RGS6: variants seen among roughly 807,000 people sequenced by gnomAD.
The protein encoded by RGS6 is regulator of G protein signaling 6.
In RGS6, 30 loss-of-function variants were observed where a neutral mutation model predicts 78.5. The observed-to-expected ratio is 0.38, with a 90% CI of 0.29 to 0.52. RGS6 has a LOEUF of 0.52. Ranked by LOEUF, RGS6 falls within the 20% of genes least tolerant of loss-of-function variation. The pLI is 0.85. For missense variants in RGS6, 495 were observed against 609.7 expected (o/e 0.81, Z 1.98); for synonymous variants, 206 against 206.0 (o/e 1.00, Z 0.00).
the RGS6 span, among the ~76,000 whole-genome samples, chr14:71,880,323 A>G: frequency 2.6e-5 from 4 of 152,256 alleles, no homozygotes. Flanking sequence ...GAGAAATTCA[A>G]GCCAGCTGCA....
chr14:72,300,365 T>C (rs1408581221), intron 2 of RGS6, among the ~76,000 whole-genome samples: 1 of 152,160 alleles, frequency 6.6e-6, no homozygotes, highest in African/African-American at 2.4e-5. Context: ...AGATGAAAGT[T>C]AGGTAGACTC....
In RGS6 at chr14:72,399,830, T is replaced by A. The variant is rs564357440; in HGVS notation, c.184+47636T>A. On this transcript the variant is annotated intron_variant, in intron 3 of 17. Transcript: ENST00000553525. ...GAATGAAATGAAGCATGAAGAGAAG[T>A]TTAGAGAAAAAAGAATAAAAAGAAA... Among the ~76,000 whole-genome samples, 13 of 152,102 alleles carry A rather than the reference T, an allele frequency of 8.5e-5. No individual in the cohort carries two copies. In the East Asian group the frequency reaches 2.3e-3, roughly 27 times the overall value.
At chr14:71,954,487 T>C (rs2153008268) in intron 1 of RGS6, among the ~76,000 whole-genome samples, 1 of 152,224 alleles carries the variant, frequency 6.6e-6, no homozygotes, top group African/African-American at 2.4e-5. Context: ...ATGGGGTACA[T>C]GAGATATCTT....
chr14:72,562,445 C>G lies in RGS6; in HGVS notation c.1451C>G (p.Thr484Arg), dbSNP rs781327074. The G allele has an allele frequency of 1.9e-6, 3 of 1,612,870 alleles. No homozygotes were observed. Among genetic ancestry groups the G allele is most frequent in the Non-Finnish European group, 2.5e-6 (3 of 1,180,044 alleles). ...VGKSLAGKRL[T>R]GLMQSS Reference sequence around the variant, plus strand: ...AAGTCGCTGGCGGGCAAGCGCCTCACGGGCCTGATGCAGTCCTCCTGACCG... The same window carrying G: ...AAGTCGCTGGCGGGCAAGCGCCTCAGGGGCCTGATGCAGTCCTCCTGACCG... The change falls in exon 18 of 18, where the codon ACG (threonine) becomes AGG (arginine). Residue 484 changes from threonine to arginine, a missense_variant. Thr to Arg is a moderately conservative substitution (Grantham distance 71). Transcript: ENST00000553525.
chr14:72,196,986 A>G (rs541236555), intron 2 of RGS6, among the ~76,000 whole-genome samples: 15 of 152,356 alleles, frequency 9.8e-5, no homozygotes, highest in African/African-American at 3.6e-4. Flanking sequence ...ACCAATGAGA[A>G]TGAAAGAAAA....
intron 2 of RGS6, among the ~76,000 whole-genome samples, chr14:72,020,766 G>T (rs1228198679): frequency 6.6e-6 from 1 of 152,204 alleles, no homozygotes; most frequent in African/African-American, 2.4e-5. Context: ...CAAAAGATGT[G>T]AAATAAACCA....
chr14:72,133,324 A>G (rs2096368156), intron 2 of RGS6, among the ~76,000 whole-genome samples: 1 of 151,966 alleles, frequency 6.6e-6, no homozygotes, highest in African/African-American at 2.4e-5. Context: ...ATGGATGTCA[A>G]GATATACTCT....
chr14:72,359,477 CAAGT>C (rs1256749990), intron 3 of RGS6, among the ~76,000 whole-genome samples: 38 of 152,190 alleles, frequency 2.5e-4, no homozygotes, highest in Admixed American at 2.2e-3. Flanking sequence ...TTGGAGATGA[CAAGT>C]AAGTATTCCA....
the RGS6 span, among the ~76,000 whole-genome samples, chr14:71,875,806 A>C: frequency 6.6e-6 from 1 of 152,284 alleles, no homozygotes; most frequent in East Asian, 1.9e-4. Context: ...CCCTCTACAC[A>C]CTGCTTTAAA....
intron 2 of RGS6, among the ~76,000 whole-genome samples, chr14:72,009,379 T>G (rs2153228172): frequency 6.6e-6 from 1 of 152,112 alleles, no homozygotes; most frequent in South Asian, 2.1e-4. Context: ...ACAAAAACAT[T>G]GAGCACTAAG....
chr14:71,902,859 C>T, the RGS6 span, among the ~76,000 whole-genome samples: 20 of 152,088 alleles, frequency 1.3e-4, no homozygotes, highest in African/African-American at 4.6e-4. Flanking sequence ...CTGCAACCAT[C>T]GTAGATGAAC....
At chr14:72,584,197 G>A in the RGS6 span, among the ~76,000 whole-genome samples, 1 of 152,058 alleles carries the variant, frequency 6.6e-6, no homozygotes, top group South Asian at 2.1e-4. Context: ...ATCTAATAAA[G>A]ACCCACAATA....
chr14:72,612,565 A>C, the RGS6 span: 1 of 490,438 alleles, frequency 2.0e-6, no homozygotes, highest in Non-Finnish European at 3.9e-6. Context: ...AGCATCTATC[A>C]CGGCAGAGGG....
At chr14:72,369,749 T>A (rs2083097313) in intron 3 of RGS6, among the ~76,000 whole-genome samples, 1 of 152,228 alleles carries the variant, frequency 6.6e-6, no homozygotes, top group Non-Finnish European at 1.5e-5. Flanking sequence ...AAATTGTATT[T>A]GTCCAGGTCT....
intron 17 of RGS6, among the ~76,000 whole-genome samples, chr14:72,560,045 C>CCTT (rs2097649265): frequency 1.3e-5 from 2 of 152,150 alleles, no homozygotes; most frequent in Non-Finnish European, 2.9e-5. Flanking sequence ...AACCTCACCT[C>CCTT]CTTTGTCTCT....
At position 72,217,577 on chromosome 14, in the gene RGS6, G is replaced by A. The variant is rs374705082; in HGVS notation, c.85-134518G>A. Among the ~76,000 whole-genome samples, 152 of 151,800 alleles carry A rather than the reference G, an allele frequency of 1.0e-3. 1 individual carries two copies. The highest frequency in any genetic ancestry group is 3.6e-3 in the African/African-American group (147 of 41,378). ...ATTTAAAAAAAAGTAACACAATATG[G>A]GCTCATTGTAACCAGGAATGCAAAT... On this transcript the variant is annotated intron_variant, in intron 2 of 17. Coordinates refer to ENST00000553525, the MANE Select transcript of RGS6 (RefSeq NM_001204424.2).
chr14:72,291,379 C>A (rs2063548230), intron 2 of RGS6, among the ~76,000 whole-genome samples: 1 of 152,130 alleles, frequency 6.6e-6, no homozygotes, highest in Non-Finnish European at 1.5e-5. Flanking sequence ...ACCTCCTTCA[C>A]TCTCCAGGAA....
intron 3 of RGS6, among the ~76,000 whole-genome samples, chr14:72,439,003 G>A (rs2095067412): frequency 6.6e-6 from 1 of 152,142 alleles, no homozygotes; most frequent in Admixed American, 6.5e-5. Flanking sequence ...TGATGGGGAG[G>A]CTCTTCCTCC....
At chr14:71,903,653 G>T in the RGS6 span, among the ~76,000 whole-genome samples, 2 of 152,172 alleles carry the variant, frequency 1.3e-5, no homozygotes, top group Admixed American at 1.3e-4. Context: ...CCTGGAGCTG[G>T]AGCAACAAAT....
Sources: allele counts gnomAD v4.1 joint callset (sites outside exome capture counted in the v4.1 genomes callset), GRCh38; gene constraint gnomAD v4.1.1; transcripts MANE v1.5; gene names NCBI Gene and HGNC (gene_info 2026-07-23, HGNC 2026-07-21).